The following MEMO1 variants were observed in gnomAD, a reference collection of about 807,000 sequenced individuals.
The protein encoded by MEMO1 is protein MEMO1.
In MEMO1, 6 loss-of-function variants were observed where a neutral mutation model predicts 45.2. That is an observed-to-expected ratio of 0.13 (90% CI 0.07 to 0.26). The LOEUF (loss-of-function observed/expected upper bound fraction) is 0.26, where lower values mean the gene tolerates loss of function less well. Among genes scored for constraint, MEMO1 ranks in the 10% least tolerant of loss-of-function variants. MEMO1 has a pLI of 1.00. For missense variants in MEMO1, 184 were observed against 370.5 expected (o/e 0.50, Z 4.13); for synonymous variants, 78 against 124.3 (o/e 0.63, Z 2.48).
At chr2:31,933,073 C>T (rs1016573353) in intron 3 of MEMO1, among the ~76,000 whole-genome samples, 1 of 151,128 alleles carries the variant, frequency 6.6e-6, no homozygotes, top group African/African-American at 2.4e-5. Context: ...AATAACTATA[C>T]TTTTTTTTAA....
intron 7 of MEMO1, among the ~76,000 whole-genome samples, chr2:31,891,414 A>C (rs1171725170): frequency 6.6e-6 from 1 of 152,154 alleles, no homozygotes; most frequent in African/African-American, 2.4e-5. Flanking sequence ...CTCTTACAAT[A>C]ATCAAAAAAT....
chr2:31,981,696 A>G (rs770806217), intron 2 of MEMO1, among the ~76,000 whole-genome samples: 1 of 152,182 alleles, frequency 6.6e-6, no homozygotes, highest in Non-Finnish European at 1.5e-5. Context: ...ACTTAACTTC[A>G]CTCAATTCCA....
At chr2:31,873,606 C>T (rs1256692413) in intron 8 of MEMO1, among the ~76,000 whole-genome samples, 1 of 151,984 alleles carries the variant, frequency 6.6e-6, no homozygotes, top group Admixed American at 6.6e-5. Context: ...GAAATCTCTC[C>T]CAAAAGTAAC....
At chr2:31,910,506 G>T (rs918925164) in intron 6 of MEMO1, among the ~76,000 whole-genome samples, 2 of 152,156 alleles carry the variant, frequency 1.3e-5, no homozygotes, top group African/African-American at 2.4e-5. Context: ...GGGACAGGAG[G>T]GAGAAATTAG....
intron 2 of MEMO1, among the ~76,000 whole-genome samples, chr2:31,980,980 A>C (rs968638499): frequency 2.6e-5 from 4 of 152,202 alleles, no homozygotes; most frequent in African/African-American, 7.2e-5. Flanking sequence ...TGACTAGATA[A>C]ACTAATCAGT....
chr2:31,894,594 G>T (rs1024638739), intron 6 of MEMO1, among the ~76,000 whole-genome samples: 1 of 152,068 alleles, frequency 6.6e-6, no homozygotes, highest in Non-Finnish European at 1.5e-5. Flanking sequence ...GCATGTACAG[G>T]GGACTCCCAT....
intron 2 of MEMO1, among the ~76,000 whole-genome samples, chr2:31,946,010 G>A (rs989171257): frequency 6.6e-6 from 1 of 152,176 alleles, no homozygotes; most frequent in African/African-American, 2.4e-5. Context: ...TTAGCAGATT[G>A]CTTGTGATAC....
chr2:32,008,423 A>C (rs1050097149), intron 2 of MEMO1, among the ~76,000 whole-genome samples: 1 of 152,202 alleles, frequency 6.6e-6, no homozygotes, highest in Non-Finnish European at 1.5e-5. Context: ...TCTCTACTAA[A>C]AATACAAAAA....
Position 32,000,790 on chromosome 2 carries a change from ATT to A in MEMO1, c.61+9395_61+9396del, listed in dbSNP as rs71268324. Among the ~76,000 whole-genome samples the A allele has an allele frequency of 1.8e-3, 260 of 145,664 alleles. 1 individual carries two copies. Among genetic ancestry groups the A allele is most frequent in the African/African-American group, 2.8e-3 (111 of 39,894 alleles). ...CTTTCCTCTATCTAGCATACCACAT[ATT>A]TTTTTTTTTTCCATGACATAGCCCT... is the stretch of plus-strand genomic sequence containing the variant. On this transcript the variant is annotated intron_variant, in intron 2 of 9. Coordinates refer to ENST00000404530, the MANE Select transcript of MEMO1 (RefSeq NM_001301833.4).
intron 4 of MEMO1, chr2:31,923,790 G>A: frequency 2.7e-6 from 4 of 1,490,904 alleles, no homozygotes; most frequent in Non-Finnish European, 3.6e-6. Context: ...CTAAATTCAA[G>A]GCATACATAA....
intron 2 of MEMO1, among the ~76,000 whole-genome samples, chr2:31,953,448 C>A (rs937130822): frequency 4.3e-5 from 6 of 140,352 alleles, no homozygotes; most frequent in African/African-American, 1.6e-4. Context: ...TACGAACTTT[C>A]ATAAGATTTT....
chr2:31,994,243 C>G (rs1240462532), intron 2 of MEMO1, among the ~76,000 whole-genome samples: 1 of 151,302 alleles, frequency 6.6e-6, no homozygotes, highest in Non-Finnish European at 1.5e-5. Flanking sequence ...TTACAGGCAT[C>G]AGCCACCACA....
intron 6 of MEMO1, among the ~76,000 whole-genome samples, chr2:31,893,986 G>A (rs987645769): frequency 1.3e-5 from 2 of 152,116 alleles, no homozygotes; most frequent in African/African-American, 4.8e-5. Context: ...AAATACTCAT[G>A]AATTAGAGAA....
chr2:31,983,204 T>G (rs1177259553), intron 2 of MEMO1, among the ~76,000 whole-genome samples: 1 of 152,034 alleles, frequency 6.6e-6, no homozygotes, highest in Non-Finnish European at 1.5e-5. Flanking sequence ...GAGGTTGTAG[T>G]GAGCCAAGAT....
chr2:31,877,342 C>T (rs143806715), intron 8 of MEMO1, among the ~76,000 whole-genome samples: 33 of 152,268 alleles, frequency 2.2e-4, no homozygotes, highest in African/African-American at 6.3e-4. Context: ...AAATGATGCA[C>T]GCTTTTTGGC....
intron 2 of MEMO1, among the ~76,000 whole-genome samples, chr2:31,969,718 T>C (rs1190959659): frequency 1.4e-5 from 2 of 146,962 alleles, no homozygotes; most frequent in African/African-American, 5.1e-5. Context: ...CAAGCAACCC[T>C]CCCACCTCAG....
chr2:32,000,988 G>A (rs1673232726), intron 2 of MEMO1, among the ~76,000 whole-genome samples: 1 of 149,930 alleles, frequency 6.7e-6, no homozygotes, highest in Admixed American at 6.6e-5. Flanking sequence ...ATATTGAATT[G>A]CTGAATATTA....
chr2:31,937,667 G>A (rs985780219), intron 3 of MEMO1, among the ~76,000 whole-genome samples: 3 of 152,096 alleles, frequency 2.0e-5, no homozygotes, highest in African/African-American at 7.2e-5. Flanking sequence ...AATGAAAAGT[G>A]GAAGTATCCT....
At chr2:31,946,782 G>A (rs1415337759) in intron 2 of MEMO1, among the ~76,000 whole-genome samples, 2 of 152,164 alleles carry the variant, frequency 1.3e-5, no homozygotes, top group Non-Finnish European at 2.9e-5. Flanking sequence ...GGAATCACTT[G>A]AGCCCGGGAG....
Sources: gnomAD v4.1 joint callset for allele counts (sites outside exome capture counted in the v4.1 genomes callset) on GRCh38, gnomAD v4.1.1 for gene constraint, MANE v1.5 for transcripts, NCBI Gene and HGNC (gene_info 2026-07-23, HGNC 2026-07-21) for gene names.